DLG2: variants seen among roughly 807,000 people sequenced by gnomAD.
The protein encoded by DLG2 is disks large homolog 2.
A neutral mutation model predicts 132.5 loss-of-function variants in DLG2; 45 were observed. The ratio of observed to expected loss-of-function variants is 0.34; its 90% confidence interval spans 0.27 to 0.44. The LOEUF (loss-of-function observed/expected upper bound fraction) is 0.44, where lower values mean the gene tolerates loss of function less well. Among genes scored for constraint, DLG2 ranks in the 20% least tolerant of loss-of-function variants. DLG2 has a pLI of 1.00. For synonymous variants in DLG2, 424 were observed against 419.6 expected (o/e 1.01, Z -0.13); for missense variants, 1,045 against 1,196.9 (o/e 0.87, Z 1.87).
At chr11:83,610,618 G>A (rs2059978254) in intron 19 of DLG2, among the ~76,000 whole-genome samples, 1 of 152,148 alleles carries the variant, frequency 6.6e-6, no homozygotes. Flanking sequence ...CTGCCTAGAA[G>A]TGTGTCAAGC....
intron 6 of DLG2, among the ~76,000 whole-genome samples, chr11:84,670,194 A>C (rs1432130056): frequency 2.0e-5 from 3 of 152,056 alleles, no homozygotes; most frequent in African/African-American, 7.2e-5. Flanking sequence ...CACCATTCTG[A>C]GCCTTCCCTG....
chr11:84,745,040 T>C (rs1486760563), intron 6 of DLG2, among the ~76,000 whole-genome samples: 4 of 151,044 alleles, frequency 2.6e-5, no homozygotes, highest in Admixed American at 2.6e-4. Flanking sequence ...AAAAAAACCC[T>C]GAAAATACTA....
chr11:84,599,087 A>C lies in DLG2; in HGVS notation c.358-64356T>G, dbSNP rs535100286. ...TGGTGAAACCCCATCTCTACTAAAA[A>C]TACAAAATTTAGCCGGGCATGATGG... On this transcript the variant is annotated intron_variant, in intron 6 of 27. Coordinates refer to ENST00000376104, the MANE Select transcript of DLG2 (RefSeq NM_001142699.3). Among the ~76,000 whole-genome samples, 68 of 152,058 alleles carry C rather than the reference A, an allele frequency of 4.5e-4. No homozygotes were observed. In the South Asian group the frequency reaches 0.012, roughly 28 times the overall value.
At chr11:85,012,521 T>C (rs1194154758) in intron 6 of DLG2, among the ~76,000 whole-genome samples, 1 of 151,326 alleles carries the variant, frequency 6.6e-6, no homozygotes, top group Non-Finnish European at 1.5e-5. Flanking sequence ...CAAAACTCTG[T>C]CTCAAGAAAA....
chr11:85,438,740 AT>A (rs2091621459), intron 3 of DLG2, among the ~76,000 whole-genome samples: 1 of 152,168 alleles, frequency 6.6e-6, no homozygotes, highest in Non-Finnish European at 1.5e-5. Context: ...CAATTTTATC[AT>A]GTACGTAGGT....
chr11:84,608,840 C>A (rs2154536647), intron 6 of DLG2, among the ~76,000 whole-genome samples: 1 of 152,266 alleles, frequency 6.6e-6, no homozygotes, highest in East Asian at 1.9e-4. Flanking sequence ...AGCACTGTTT[C>A]AAGTGCTATG....
chr11:84,208,057 T>C (rs1437809337), intron 8 of DLG2, among the ~76,000 whole-genome samples: 1 of 152,218 alleles, frequency 6.6e-6, no homozygotes. Flanking sequence ...AATCCACCTC[T>C]AACCTATAAG....
At chr11:84,736,717 C>T (rs1182611301) in intron 6 of DLG2, among the ~76,000 whole-genome samples, 2 of 151,888 alleles carry the variant, frequency 1.3e-5, no homozygotes, top group East Asian at 3.9e-4. Flanking sequence ...AATACAAATA[C>T]AAAGTTTGTA....
chr11:84,820,977 G>C (rs899623465), intron 6 of DLG2, among the ~76,000 whole-genome samples: 11 of 151,690 alleles, frequency 7.3e-5, no homozygotes, highest in African/African-American at 2.4e-4. Context: ...TACCACCCTA[G>C]AAACTTGGCA....
Position 84,141,280 on chromosome 11 carries a change from G to A in DLG2, c.624+22181C>T, listed in dbSNP as rs561822523. On this transcript the variant is annotated intron_variant, in intron 9 of 27. Coordinates refer to ENST00000376104, the MANE Select transcript of DLG2 (RefSeq NM_001142699.3). Reference sequence around the variant, plus strand: ...CATGCATAACTGCATACAATTACATGAAAGAAATATATGCATATATATAAT... The same window carrying A: ...CATGCATAACTGCATACAATTACATAAAAGAAATATATGCATATATATAAT... Among the ~76,000 whole-genome samples the A allele has an allele frequency of 2.7e-3, 402 of 151,094 alleles. 3 individuals are homozygous for A. Among genetic ancestry groups the A allele is most frequent in the African/African-American group, 9.2e-3 (379 of 41,192 alleles).
intron 12 of DLG2, among the ~76,000 whole-genome samples, chr11:83,976,343 G>A (rs192488590): frequency 6.6e-6 from 1 of 152,048 alleles, no homozygotes; most frequent in East Asian, 1.9e-4. Context: ...TCAGAAGGAA[G>A]TGGTGCAAAT....
chr11:84,815,648 C>T (rs373959716), intron 6 of DLG2, among the ~76,000 whole-genome samples: 7 of 152,106 alleles, frequency 4.6e-5, no homozygotes, highest in Admixed American at 4.6e-4. Context: ...AAGAAAATTA[C>T]TTGAAAATTA....
At chr11:84,144,642 A>G (rs970154277) in intron 9 of DLG2, among the ~76,000 whole-genome samples, 2 of 152,186 alleles carry the variant, frequency 1.3e-5, no homozygotes, top group Non-Finnish European at 2.9e-5. Context: ...GAGATAACCA[A>G]CAAAGGTCCA....
intron 6 of DLG2, among the ~76,000 whole-genome samples, chr11:84,852,330 A>G (rs1436552776): frequency 6.6e-6 from 1 of 152,064 alleles, no homozygotes; most frequent in Admixed American, 6.6e-5. Flanking sequence ...CAGGCACAAC[A>G]TCAAGAAAAC....
At chr11:84,869,187 C>T (rs750490866) in intron 6 of DLG2, among the ~76,000 whole-genome samples, 1 of 152,218 alleles carries the variant, frequency 6.6e-6, no homozygotes, top group Admixed American at 6.5e-5. Context: ...ATACAAGTCA[C>T]TGATACTGTT....
At position 84,067,558 on chromosome 11, in the gene DLG2, A is replaced by T. The variant is rs61897576; in HGVS notation, c.750-8074T>A. The stretch of plus-strand genomic sequence containing the variant: ...AGGAGAAAATAATACACCCCCCACC[A>T]CACACACACACACACACACACACAC... On this transcript the variant is annotated intron_variant, in intron 10 of 27. Coordinates refer to ENST00000376104, the MANE Select transcript of DLG2 (RefSeq NM_001142699.3). Among the ~76,000 whole-genome samples the T allele has an allele frequency of 7.5e-4, 9 of 12,024 alleles. 1 individual carries two copies. The South Asian group carries it at 0.023, about 31-fold the overall frequency. 7.9% of individuals were successfully genotyped at this position (12,024 alleles called of 152,430 possible). A position where few individuals can be genotyped will look rare whatever the true frequency, so the allele number is the denominator to read the frequency against.
chr11:84,163,259 C>T (rs1232866895), intron 9 of DLG2, among the ~76,000 whole-genome samples: 3 of 152,130 alleles, frequency 2.0e-5, no homozygotes, highest in Non-Finnish European at 2.9e-5. Flanking sequence ...ATGAAATTTA[C>T]ATACTAAACA....
chr11:84,572,782 G>A (rs1238077837), intron 6 of DLG2, among the ~76,000 whole-genome samples: 1 of 151,972 alleles, frequency 6.6e-6, no homozygotes, highest in East Asian at 1.9e-4. Context: ...AAACAGGCTT[G>A]CTTTGTAAAA....
rs372443245 is a variant in DLG2 at position 84,780,997 on chromosome 11, C to CAAA, written c.358-246269_358-246267dup. Among the ~76,000 whole-genome samples, 782 of 93,966 alleles carry CAAA rather than the reference C, an allele frequency of 8.3e-3. 16 individuals carry two copies. Among genetic ancestry groups the CAAA allele is most frequent in the Non-Finnish European group, 0.013 (620 of 47,236 alleles). The allele number at this position is 93,966 out of a possible 152,430, so 61.6% of individuals were successfully genotyped here. A position where few individuals can be genotyped will look rare whatever the true frequency, so the allele number is the denominator to read the frequency against. ...TGAAGTGCTTTACTCCAGGATTGTA[C>CAAA]AAAAAAAAAAAAAAAAAGCGACAAG... On this transcript the variant is annotated intron_variant, in intron 6 of 27. Transcript: ENST00000376104.
Sources: gnomAD v4.1 joint callset for allele counts (sites outside exome capture counted in the v4.1 genomes callset) on GRCh38, gnomAD v4.1.1 for gene constraint, MANE v1.5 for transcripts, NCBI Gene and HGNC (gene_info 2026-07-23, HGNC 2026-07-21) for gene names.